Variants in SEPTIN7 observed in about 807,000 individuals in gnomAD.
SEPTIN7 encodes the protein septin-7.
SEPTIN7 carries 10 observed loss-of-function variants against 63.3 expected under a neutral mutation model. That is an observed-to-expected ratio of 0.16 (90% CI 0.10 to 0.27). The LOEUF (loss-of-function observed/expected upper bound fraction) is 0.27. Ranked by LOEUF, SEPTIN7 falls within the 10% of genes least tolerant of loss-of-function variation. The pLI is 1.00. For synonymous variants in SEPTIN7, 131 were observed against 165.3 expected (o/e 0.79, Z 1.59); for missense variants, 310 against 521.0 (o/e 0.59, Z 3.94).
intron 1 of SEPTIN7, among the ~76,000 whole-genome samples, chr7:35,823,041 CATCCTT>C (rs1452900337): frequency 6.6e-6 from 1 of 151,942 alleles, no homozygotes; most frequent in Non-Finnish European, 1.5e-5. Flanking sequence ...ATCTGAGAGC[CATCCTT>C]TTAATAGCCC....
At chr7:35,845,785 T>C (rs1255822021) in intron 3 of SEPTIN7, among the ~76,000 whole-genome samples, 1 of 152,160 alleles carries the variant, frequency 6.6e-6, no homozygotes, top group Non-Finnish European at 1.5e-5. Flanking sequence ...AGGTATTTAA[T>C]GTTAGTGATA....
chr7:35,850,462 C>CT (rs958651740), intron 3 of SEPTIN7, among the ~76,000 whole-genome samples: 6 of 152,190 alleles, frequency 3.9e-5, no homozygotes, highest in African/African-American at 9.7e-5. Flanking sequence ...TGCCTCTACT[C>CT]TAACATGGTA....
intron 3 of SEPTIN7, among the ~76,000 whole-genome samples, chr7:35,857,171 T>C (rs894363180): frequency 8.5e-5 from 13 of 152,196 alleles, no homozygotes; most frequent in Non-Finnish European, 4.4e-5. Flanking sequence ...AAGATTTGCT[T>C]TGCCCAGAGC....
intron 3 of SEPTIN7, among the ~76,000 whole-genome samples, chr7:35,852,913 G>A (rs1219161504): frequency 6.6e-6 from 1 of 151,992 alleles, no homozygotes; most frequent in African/African-American, 2.4e-5. Context: ...ATCTATTATT[G>A]TATCTTGTAA....
chr7:35,908,261 G>A (rs1788671223), downstream of SEPTIN7, among the ~76,000 whole-genome samples: 1 of 152,162 alleles, frequency 6.6e-6, no homozygotes, highest in African/African-American at 2.4e-5. Context: ...AATGTTCAAA[G>A]TTTAGTGTCA....
At chr7:35,908,953 G>A (rs765976571), downstream of SEPTIN7, among the ~76,000 whole-genome samples, 2 of 152,126 alleles carry the variant, frequency 1.3e-5, no homozygotes, top group African/African-American at 2.4e-5. Flanking sequence ...GTACTCTAGC[G>A]TAGCACAGAA....
Position 35,816,528 on chromosome 7 carries a change from G to A in SEPTIN7, c.62-14964G>A, listed in dbSNP as rs1451916474. 1.2e-4 allele frequency among the ~76,000 whole-genome samples: 18 copies of A among 152,286 alleles called. No individual in the cohort carries two copies. In the South Asian group the frequency reaches 3.7e-3, roughly 32 times the overall value. On this transcript the variant is annotated intron_variant, in intron 1 of 13. Coordinates refer to ENST00000350320, the MANE Select transcript of SEPTIN7 (RefSeq NM_001788.6). ...TTTGACTATTATGGATAATGCTGCT[G>A]TGAATGTTTTGAGTACAAGCTTTTG...
chr7:35,878,079 A>G (rs1040628226), intron 6 of SEPTIN7, among the ~76,000 whole-genome samples: 24 of 152,164 alleles, frequency 1.6e-4, no homozygotes, highest in African/African-American at 5.8e-4. Flanking sequence ...ACACTATCAG[A>G]AAGTTGAAAA....
At chr7:35,836,541 A>T (rs1252615682) in intron 3 of SEPTIN7, among the ~76,000 whole-genome samples, 1 of 152,070 alleles carries the variant, frequency 6.6e-6, no homozygotes, top group Non-Finnish European at 1.5e-5. Context: ...GCAGATTGGC[A>T]CTTCTATTTT....
At chr7:35,842,754 T>TA (rs1784469748) in intron 3 of SEPTIN7, among the ~76,000 whole-genome samples, 2 of 152,334 alleles carry the variant, frequency 1.3e-5, no homozygotes, top group African/African-American at 4.8e-5. Flanking sequence ...AAACAAAAGT[T>TA]ACAAGTACAG....
intron 9 of SEPTIN7, among the ~76,000 whole-genome samples, chr7:35,885,020 GT>G (rs111434607): frequency 0.027 from 3,919 of 145,286 alleles, 125 homozygotes; most frequent in East Asian, 0.08. Flanking sequence ...TTTGAACTTC[GT>G]TTTTTTTTTT....
the SEPTIN7 span, among the ~76,000 whole-genome samples, chr7:35,914,972 G>C: frequency 1.3e-5 from 2 of 151,738 alleles, no homozygotes; most frequent in Non-Finnish European, 2.9e-5. Context: ...ATATATTTAT[G>C]TACACATATG....
chr7:35,832,624 A>G (rs1327087709), intron 2 of SEPTIN7, 174 bp from the exon 3 acceptor site: 3 of 569,358 alleles, frequency 5.3e-6, no homozygotes, highest in African/African-American at 1.9e-5. Flanking sequence ...CTCATGCTCA[A>G]ATAATTTTGT....
chr7:35,832,664 A>G, intron 2 of SEPTIN7, 134 bp from the exon 3 acceptor site: 1 of 678,804 alleles, frequency 1.5e-6, no homozygotes, highest in Non-Finnish European at 2.7e-6. Context: ...TTTATTGATA[A>G]TGCCATGAAA....
At chr7:35,804,037 A>G (rs1374949009) in intron 1 of SEPTIN7, among the ~76,000 whole-genome samples, 1 of 152,140 alleles carries the variant, frequency 6.6e-6, no homozygotes, top group Non-Finnish European at 1.5e-5. Flanking sequence ...TACAGTATGG[A>G]TGAGTCAAAT....
chr7:35,899,218 C>T (rs1354628044), intron 12 of SEPTIN7: 3 of 152,154 alleles, frequency 2.0e-5, no homozygotes, highest in South Asian at 2.1e-4. Context: ...AAGTTTTCTT[C>T]ACATAAATTT....
chr7:35,899,870 C>T (rs1788206876), intron 12 of SEPTIN7: 1 of 152,090 alleles, frequency 6.6e-6, no homozygotes, highest in Admixed American at 6.5e-5. Context: ...GGTGACAGAG[C>T]TAGACCTTGT....
downstream of SEPTIN7, among the ~76,000 whole-genome samples, chr7:35,909,237 C>T (rs564550264): frequency 6.6e-6 from 1 of 152,318 alleles, no homozygotes; most frequent in South Asian, 2.1e-4. Context: ...GAACACAGTT[C>T]TCTCACCCAG....
intron 1 of SEPTIN7, chr7:35,803,148 AC>A (rs1788108591): frequency 1.0e-6 from 1 of 966,982 alleles, no homozygotes; most frequent in African/African-American, 1.8e-5. Flanking sequence ...ATGTAGCTTA[AC>A]AATTTTTGTT....
Sources: gnomAD v4.1 joint callset for allele counts (sites outside exome capture counted in the v4.1 genomes callset) on GRCh38, gnomAD v4.1.1 for gene constraint, MANE v1.5 for transcripts, NCBI Gene and HGNC (gene_info 2026-07-23, HGNC 2026-07-21) for gene names.